The following COG5 variants were observed in gnomAD, a reference collection of about 807,000 sequenced individuals.
The protein encoded by COG5 is conserved oligomeric Golgi complex subunit 5.
In COG5, 86 loss-of-function variants were observed where a neutral mutation model predicts 110.4. The ratio of observed to expected loss-of-function variants is 0.78; its 90% confidence interval spans 0.65 to 0.93. COG5 has a LOEUF of 0.93. COG5 is among the 40% of genes least tolerant of loss of function. COG5 has a pLI of 0.00. For synonymous variants in COG5, 360 were observed against 334.6 expected (o/e 1.08, Z -0.83); for missense variants, 1,077 against 987.0 (o/e 1.09, Z -1.22).
intron 14 of COG5, among the ~76,000 whole-genome samples, chr7:107,279,933 T>TAA (rs1440896391): frequency 6.6e-6 from 1 of 152,158 alleles, no homozygotes; most frequent in Non-Finnish European, 1.5e-5. Context: ...TTGCCATTAC[T>TAA]ATGTTAACTG....
chr7:107,361,897 G>A (rs1432041372), intron 10 of COG5, 136 bp downstream of exon 10: 2 of 650,878 alleles, frequency 3.1e-6, no homozygotes, highest in Non-Finnish European at 2.8e-6. Flanking sequence ...CATTATTATA[G>A]TTGTCAAGAA....
At chr7:107,209,154 G>A (rs1265385838) in intron 21 of COG5, 2 of 985,384 alleles carry the variant, frequency 2.0e-6, no homozygotes, top group Non-Finnish European at 1.2e-6. Flanking sequence ...GGCTAACAAA[G>A]GATCACTGGG....
chr7:107,499,184 A>T (rs1466108172), intron 6 of COG5, among the ~76,000 whole-genome samples: 1 of 152,138 alleles, frequency 6.6e-6, no homozygotes, highest in Non-Finnish European at 1.5e-5. Flanking sequence ...ATGGGCATAA[A>T]ATTTTAGTAA....
chr7:107,403,207 C>G (rs1162257781), intron 7 of COG5, among the ~76,000 whole-genome samples: 1 of 152,070 alleles, frequency 6.6e-6, no homozygotes, highest in Non-Finnish European at 1.5e-5. Context: ...CTTCAGATAA[C>G]AAAGGAATAG....
intron 19 of COG5, among the ~76,000 whole-genome samples, chr7:107,213,762 T>A (rs1799330629): frequency 6.6e-6 from 1 of 152,106 alleles, no homozygotes; most frequent in Admixed American, 6.5e-5. Context: ...AAGTAAATAA[T>A]GAAGTTAAAT....
At chr7:107,436,869 T>C (rs181100203) in intron 6 of COG5, among the ~76,000 whole-genome samples, 2 of 152,326 alleles carry the variant, frequency 1.3e-5, no homozygotes, top group East Asian at 1.9e-4. Flanking sequence ...TAGTATTTAA[T>C]AATAATTGCA....
At chr7:107,316,113 A>C (rs181961170) in intron 11 of COG5, among the ~76,000 whole-genome samples, 3 of 152,202 alleles carry the variant, frequency 2.0e-5, no homozygotes, top group Non-Finnish European at 4.4e-5. Flanking sequence ...AACACCAAAA[A>C]ATGCAAACTA....
At chr7:107,282,492 T>A (rs1051314215) in intron 13 of COG5, among the ~76,000 whole-genome samples, 3 of 152,210 alleles carry the variant, frequency 2.0e-5, no homozygotes, top group Admixed American at 1.3e-4. Context: ...CAGCAAAAGA[T>A]ATGCTTATGT....
At chr7:107,477,654 T>A (rs538602171) in intron 6 of COG5, among the ~76,000 whole-genome samples, 19 of 151,914 alleles carry the variant, frequency 1.3e-4, no homozygotes, top group South Asian at 8.3e-4. Context: ...CTCATACCTA[T>A]CAGAAAACTT....
At chr7:107,560,999 T>C (rs1803727856) in intron 1 of COG5, among the ~76,000 whole-genome samples, 2 of 150,514 alleles carry the variant, frequency 1.3e-5, no homozygotes, top group African/African-American at 4.9e-5. Context: ...ACAGAGAAAA[T>C]GAAAGCAATC....
rs145513799 is a variant in COG5 at position 107,539,834 on chromosome 7, A to T, written c.417+8277T>A. The stretch of plus-strand genomic sequence containing the variant: ...GAAAATTGAACAAAATACACGAAAT[A>T]ATTTTAGAACAACAGGAATGAATAA... On this transcript the variant is annotated intron_variant, in intron 5 of 21. Transcript: ENST00000297135. Among the ~76,000 whole-genome samples the T allele has an allele frequency of 1.6e-3, 247 of 152,310 alleles. 1 individual carries two copies. The highest frequency in any genetic ancestry group is 5.6e-3 in the African/African-American group (232 of 41,570).
At chr7:107,550,624 T>A (rs1802816667) in intron 3 of COG5, among the ~76,000 whole-genome samples, 1 of 152,150 alleles carries the variant, frequency 6.6e-6, no homozygotes, top group South Asian at 2.1e-4. Context: ...GGCTCAAACG[T>A]CATCTTCTCA....
intron 7 of COG5, among the ~76,000 whole-genome samples, chr7:107,396,220 C>A (rs1322545303): frequency 2.6e-5 from 4 of 152,096 alleles, no homozygotes; most frequent in South Asian, 2.1e-4. Context: ...ACATTAAATA[C>A]CATAATTTAA....
In COG5 at chr7:107,470,242, T is replaced by A. The variant is rs1796555117; in HGVS notation, c.538+56995A>T. On this transcript the variant is annotated intron_variant, in intron 6 of 21. Transcript: ENST00000297135. ...GGAAGAGTGAGAGACTGCAGCAGCC[T>A]CTAAGCAGCACTACATGTTCCATAC... 3 of 152,242 alleles carry A rather than the reference T, an allele frequency of 2.0e-5. 1 individual carries two copies. The allele number at this position is 152,242 out of a possible 1,614,324, so 9.4% of individuals were successfully genotyped here. A position where few individuals can be genotyped will look rare whatever the true frequency, so the allele number is the denominator to read the frequency against.
intron 8 of COG5, among the ~76,000 whole-genome samples, chr7:107,367,169 A>G (rs190974497): frequency 1.2e-4 from 19 of 152,234 alleles, no homozygotes; most frequent in African/African-American, 4.3e-4. Flanking sequence ...ATTCTAAGGG[A>G]AAGAAAGTGT....
chr7:107,480,588 G>T (rs563611766), intron 6 of COG5, among the ~76,000 whole-genome samples: 2 of 152,134 alleles, frequency 1.3e-5, no homozygotes, highest in East Asian at 1.9e-4. Flanking sequence ...AATACGAATA[G>T]AATACAGAAT....
intron 8 of COG5, among the ~76,000 whole-genome samples, chr7:107,370,591 G>C (rs1814053050): frequency 1.3e-5 from 2 of 151,774 alleles, no homozygotes; most frequent in Non-Finnish European, 2.9e-5. Context: ...TTCGAGACCA[G>C]CCTGGCCAAC....
At chr7:107,270,868 T>C (rs1399584066) in intron 14 of COG5, among the ~76,000 whole-genome samples, 2 of 147,148 alleles carry the variant, frequency 1.4e-5, no homozygotes, top group Non-Finnish European at 3.0e-5. Context: ...TATACTTCAT[T>C]ATCCTAACTA....
At chr7:107,439,773 G>GGCA (rs1794595481) in intron 6 of COG5, among the ~76,000 whole-genome samples, 2 of 152,060 alleles carry the variant, frequency 1.3e-5, no homozygotes, top group Non-Finnish European at 2.9e-5. Flanking sequence ...TGAGAGACTG[G>GGCA]GCAAAAGGAA....
Sources: gnomAD v4.1 joint callset for allele counts (sites outside exome capture counted in the v4.1 genomes callset) on GRCh38, gnomAD v4.1.1 for gene constraint, MANE v1.5 for transcripts, NCBI Gene and HGNC (gene_info 2026-07-23, HGNC 2026-07-21) for gene names.